Variants in RSPO4 observed in about 807,000 individuals in gnomAD.
RSPO4 encodes R-spondin-4.
RSPO4 carries 23 observed loss-of-function variants against 24.8 expected under a neutral mutation model. That is an observed-to-expected ratio of 0.93 (90% CI 0.67 to 1.31). The LOEUF (loss-of-function observed/expected upper bound fraction) is 1.31, where lower values mean the gene tolerates loss of function less well. Ranked by LOEUF, RSPO4 falls within the 40% of genes most tolerant of loss-of-function variation. The probability of loss-of-function intolerance (pLI) is 0.00; values close to 1 mark genes in which losing one functional copy is unlikely to be tolerated. For missense variants in RSPO4, 333 were observed against 316.5 expected, an observed-to-expected ratio of 1.05 and a Z score of -0.39; for synonymous variants, 141 against 127.4, an observed-to-expected ratio of 1.11 and a Z score of -0.72.
At chr20:980,234 C>T (rs1984694146) in intron 1 of RSPO4, among the ~76,000 whole-genome samples, 1 of 152,134 alleles carries the variant, frequency 6.6e-6, no homozygotes, top group South Asian at 2.1e-4. Flanking sequence ...GGGTTATCCT[C>T]AGGTTGCCAC....
chr20:973,602 C>G (rs1984477080), intron 1 of RSPO4, among the ~76,000 whole-genome samples: 1 of 152,102 alleles, frequency 6.6e-6, no homozygotes, highest in Non-Finnish European at 1.5e-5. Context: ...GTCTCCCGAG[C>G]AGCTGGGATT....
chr20:964,518 G>GA (rs1600088095), intron 3 of RSPO4, among the ~76,000 whole-genome samples: 1 of 151,962 alleles, frequency 6.6e-6, no homozygotes, highest in East Asian at 1.9e-4. Flanking sequence ...TCTCAGGAAG[G>GA]CGGGGACAGG....
intron 1 of RSPO4, among the ~76,000 whole-genome samples, chr20:977,015 T>C (rs1396379819): frequency 6.6e-6 from 1 of 152,170 alleles, no homozygotes; most frequent in Admixed American, 6.5e-5. Flanking sequence ...CTCCCTATTG[T>C]ATTTCAGATA....
chr20:960,456 G>A lies in RSPO4; in HGVS notation c.606C>T (p.Pro202=), dbSNP rs866145059. 11 of 1,539,068 alleles carry A rather than the reference G, an allele frequency of 7.1e-6. No homozygotes were observed. The highest frequency in any genetic ancestry group is 5.9e-5 in the South Asian group (5 of 84,072). Reference sequence around the variant, plus strand: ...GGTCCTTCCTGCCCTTCTTCTGGCCGGGGCTCCTCTCTGCAATGAGAGGAC... The same window carrying A: ...GGTCCTTCCTGCCCTTCTTCTGGCCAGGGCTCCTCTCTGCAATGAGAGGAC... ...IQRPCPGERS[P]GQKKGRKDRR... is the part of the protein sequence containing the mutation. The change falls in exon 5 of 5, where the codon CCC becomes CCT. Residue 202 remains proline (P), a synonymous_variant. Transcript: ENST00000217260.
chr20:994,297 C>A, intron 1 of RSPO4, among the ~76,000 whole-genome samples: 1 of 152,110 alleles, frequency 6.6e-6, no homozygotes. Flanking sequence ...CCCCAGGGTC[C>A]ACCCCCAGGG....
At chr20:990,490 CT>C (rs2122261121) in intron 1 of RSPO4, among the ~76,000 whole-genome samples, 1 of 150,550 alleles carries the variant, frequency 6.6e-6, no homozygotes, top group African/African-American at 2.5e-5. Context: ...TCTTTCCTTC[CT>C]TCCCTCCTTC....
At chr20:993,456 A>G (rs1438553101) in intron 1 of RSPO4, among the ~76,000 whole-genome samples, 1 of 152,132 alleles carries the variant, frequency 6.6e-6, no homozygotes, top group African/African-American at 2.4e-5. Flanking sequence ...CTAGGAAAAA[A>G]AGCTCCAGCC....
chr20:962,507 G>A (rs777507906), intron 4 of RSPO4, among the ~76,000 whole-genome samples: 5 of 152,136 alleles, frequency 3.3e-5, no homozygotes, highest in Admixed American at 1.3e-4. Flanking sequence ...GCCATGAGAG[G>A]TGCCATGTGG....
chr20:1,001,546 A>G (rs758466628), intron 1 of RSPO4, among the ~76,000 whole-genome samples: 1 of 152,130 alleles, frequency 6.6e-6, no homozygotes, highest in Non-Finnish European at 1.5e-5. Context: ...GAATAAGTGA[A>G]CCTGAACTCA....
At chr20:993,147 TG>T (rs149030301) in intron 1 of RSPO4, among the ~76,000 whole-genome samples, 4,340 of 152,320 alleles carry the variant, frequency 0.028, 226 homozygotes, top group African/African-American at 0.099. Flanking sequence ...CTGGGTCCTC[TG>T]GGCTTGGGAA....
rs1393025582 is a variant in RSPO4 at position 981,334 on chromosome 20, G to A, written c.80-13196C>T. On this transcript the variant is annotated intron_variant, in intron 1 of 4. Transcript: ENST00000217260. This position sits in a 1 kb window ranked among gnomAD's most constrained non-coding sequence, Gnocchi z 4.6. ...GAGGCCCGGAGTTCGAGACCAGCCT[G>A]GCCAACATGGCAAAACCCCGTCTCT... Among the ~76,000 whole-genome samples, 1 of 152,100 alleles carries A rather than the reference G, an allele frequency of 6.6e-6. No homozygotes were observed. Among genetic ancestry groups the A allele is most frequent in the East Asian group, 1.9e-4 (1 of 5,180 alleles).
chr20:982,909 C>T (rs562583730), intron 1 of RSPO4, among the ~76,000 whole-genome samples: 4 of 152,312 alleles, frequency 2.6e-5, no homozygotes, highest in Non-Finnish European at 4.4e-5. Flanking sequence ...CTGAGTAGGA[C>T]GTCTGCAGTG....
rs1983887173 is a variant in RSPO4, at chr20:959,055, G to A, written c.*1302C>T. On this transcript the variant is annotated 3_prime_UTR_variant, in exon 5 of 5. Transcript: ENST00000217260. The stretch of plus-strand genomic sequence containing the variant: ...AGGGGCGTCACAGCGAAGCACAGAT[G>A]CTCAAGTCACTGGTGGTGGGTGTGG... The A allele has an allele frequency of 1.3e-5, 2 of 152,790 alleles. No individual in the cohort carries two copies. Among genetic ancestry groups the A allele is most frequent in the Non-Finnish European group, 2.9e-5 (2 of 68,488 alleles). The allele number at this position is 152,790 out of a possible 1,614,324, so 9.5% of individuals were successfully genotyped here. A position where few individuals can be genotyped will look rare whatever the true frequency, so the allele number is the denominator to read the frequency against.
Position 967,994 on chromosome 20 carries a change from G to A in RSPO4, c.224C>T (p.Pro75Leu). The change falls in exon 2 of 5, where the codon CCT becomes CTT. Residue 75 changes from proline (P) to leucine (L), a missense_variant. Coordinates refer to ENST00000217260, the MANE Select transcript of RSPO4 (RefSeq NM_001029871.4). ...CTGGCCGCGGATGCCGAAGTACCCA[G>A]GGGGACAGTCGTGCAGGCACTTGCC... ...QYGKCLHDCP[P>L]GYFGIRGQEV... 5.0e-6 allele frequency: 8 copies of A among 1,614,242 alleles called. No homozygotes were observed. Among genetic ancestry groups the A allele is most frequent in the South Asian group, 1.1e-5 (1 of 91,086 alleles).
chr20:989,557 A>G (rs1985030542), intron 1 of RSPO4, among the ~76,000 whole-genome samples: 1 of 152,132 alleles, frequency 6.6e-6, no homozygotes, highest in African/African-American at 2.4e-5. Context: ...GAAAAGGGGA[A>G]AGAGACCCAG....
Position 975,630 on chromosome 20 carries a change from T to C in RSPO4, c.80-7492A>G, listed in dbSNP as rs539278724. ...ACACCAGATTTGACAGTTTGCAAAG[T>C]GATAAAGGCTTATGACAACTCTGAA... On this transcript the variant is annotated intron_variant, in intron 1 of 4. Transcript: ENST00000217260. Among the ~76,000 whole-genome samples, 14 of 152,316 alleles carry C rather than the reference T, an allele frequency of 9.2e-5. 1 individual carries two copies. The South Asian group carries it at 2.9e-3, about 32-fold the overall frequency.
intron 1 of RSPO4, among the ~76,000 whole-genome samples, chr20:1,000,158 C>T (rs2122284924): frequency 6.6e-6 from 1 of 152,286 alleles, no homozygotes; most frequent in East Asian, 1.9e-4. Context: ...CGTGAGCCAC[C>T]ACACCTGGCC....
intron 1 of RSPO4, among the ~76,000 whole-genome samples, chr20:977,223 G>C (rs998829687): frequency 1.3e-5 from 2 of 152,222 alleles, no homozygotes; most frequent in Non-Finnish European, 2.9e-5. Context: ...GGTCTGGGCA[G>C]GGCCTGAGAA....
chr20:979,509 A>T lies in RSPO4; in HGVS notation c.80-11371T>A, dbSNP rs1307867151. Among the ~76,000 whole-genome samples, 5 of 152,172 alleles carry T rather than the reference A, an allele frequency of 3.3e-5. No individual in the cohort carries two copies. The South Asian group carries it at 6.2e-4, about 19-fold the overall frequency. Reference sequence around the variant, plus strand: ...CGGGTTTCACTTTTCCTCCAAAACAAACCTTGATGCTGCTGCAGGAAGCAT... The same window carrying T: ...CGGGTTTCACTTTTCCTCCAAAACATACCTTGATGCTGCTGCAGGAAGCAT... On this transcript the variant is annotated intron_variant, in intron 1 of 4. Coordinates refer to ENST00000217260, the MANE Select transcript of RSPO4 (RefSeq NM_001029871.4).
Sources: allele counts gnomAD v4.1 joint callset (sites outside exome capture counted in the v4.1 genomes callset), GRCh38; gene constraint gnomAD v4.1.1; non-coding constraint Gnocchi (gnomAD v3.1); transcripts MANE v1.5; gene names NCBI Gene and HGNC (gene_info 2026-07-23, HGNC 2026-07-21).